Variants in ANKRD29 observed in about 807,000 individuals in gnomAD.
ANKRD29 encodes ankyrin repeat domain-containing protein 29.
Under a neutral mutation model 38.0 loss-of-function variants are expected in ANKRD29, and 32 were observed. The observed-to-expected ratio is 0.84, with a 90% CI of 0.64 to 1.13. The LOEUF (loss-of-function observed/expected upper bound fraction) is 1.13, where lower values mean the gene tolerates loss of function less well. Ranked by LOEUF, ANKRD29 falls within the 50% of genes most tolerant of loss-of-function variation. ANKRD29 has a pLI of 0.00. For synonymous variants in ANKRD29, 135 were observed against 152.4 expected (o/e 0.89, Z 0.84); for missense variants, 357 against 377.9 (o/e 0.94, Z 0.46).
At chr18:23,654,137 G>A (rs970659367) in intron 1 of ANKRD29, among the ~76,000 whole-genome samples, 7 of 151,792 alleles carry the variant, frequency 4.6e-5, no homozygotes, top group Admixed American at 6.6e-5. Flanking sequence ...ACGGTGGCAC[G>A]CACCTGTAGT....
chr18:23,613,601 A>ATT (rs1179381510), intron 8 of ANKRD29, among the ~76,000 whole-genome samples: 9 of 141,116 alleles, frequency 6.4e-5, no homozygotes, highest in South Asian at 2.3e-4. Flanking sequence ...TTACTTTACA[A>ATT]TTTTTTTTTT....
At chr18:23,610,110 T>A (rs1459260194) in intron 9 of ANKRD29, among the ~76,000 whole-genome samples, 1 of 152,228 alleles carries the variant, frequency 6.6e-6, no homozygotes, top group Non-Finnish European at 1.5e-5. Flanking sequence ...CAGAGTATGT[T>A]AAGTATAAAG....
At chr18:23,603,801 G>A (rs1013457662) in intron 9 of ANKRD29, among the ~76,000 whole-genome samples, 4 of 151,932 alleles carry the variant, frequency 2.6e-5, no homozygotes, top group Non-Finnish European at 5.9e-5. Context: ...GGACTGTGGA[G>A]GCTAATGCAA....
intron 6 of ANKRD29, among the ~76,000 whole-genome samples, chr18:23,622,056 A>G (rs2059803399): frequency 6.6e-6 from 1 of 152,148 alleles, no homozygotes; most frequent in African/African-American, 2.4e-5. Context: ...GTGCCATCAT[A>G]AAGTATGGAC....
intron 5 of ANKRD29, among the ~76,000 whole-genome samples, chr18:23,633,153 G>T (rs1374452271): frequency 1.4e-4 from 21 of 152,100 alleles, no homozygotes; most frequent in Admixed American, 1.2e-3. Flanking sequence ...AAATCCTATG[G>T]CATTATAGCG....
intron 1 of ANKRD29, among the ~76,000 whole-genome samples, chr18:23,661,830 T>G (rs1235293746): frequency 6.6e-6 from 1 of 152,174 alleles, no homozygotes; most frequent in Admixed American, 6.5e-5. Context: ...AACCCTCTTC[T>G]CCAAACCTAG....
chr18:23,602,126 T>C (rs1366377588), intron 9 of ANKRD29, among the ~76,000 whole-genome samples: 1 of 151,806 alleles, frequency 6.6e-6, no homozygotes, highest in Non-Finnish European at 1.5e-5. Flanking sequence ...AATCTCTGCC[T>C]CCTGGGTTCA....
intron 1 of ANKRD29, among the ~76,000 whole-genome samples, chr18:23,656,494 T>A (rs181542747): frequency 6.6e-6 from 1 of 152,276 alleles, no homozygotes; most frequent in Admixed American, 6.5e-5. Context: ...TTAATAAATA[T>A]TCAATTAAAT....
In ANKRD29 at chr18:23,626,663, A is replaced by G. The variant is rs548733711; in HGVS notation, c.528+3190T>C. On this transcript the variant is annotated intron_variant, in intron 6 of 9. Coordinates refer to ENST00000592179, the MANE Select transcript of ANKRD29 (RefSeq NM_173505.4). Reference sequence around the variant, plus strand: ...AACATAGTCTTCCTACTGTCTGGCTATGACTAGATTTGGGATTATGATTCC... The same window carrying G: ...AACATAGTCTTCCTACTGTCTGGCTGTGACTAGATTTGGGATTATGATTCC... Among the ~76,000 whole-genome samples, 3 of 152,352 alleles carry G rather than the reference A, an allele frequency of 2.0e-5. No homozygotes were observed. The East Asian group carries it at 5.8e-4, about 29-fold the overall frequency.
chr18:23,626,331 C>A (rs555396913), intron 6 of ANKRD29, among the ~76,000 whole-genome samples: 1 of 152,334 alleles, frequency 6.6e-6, no homozygotes, highest in East Asian at 1.9e-4. Flanking sequence ...AGTTAACTGA[C>A]TAACCTCAGC....
chr18:23,619,776 C>T (rs1006406648), intron 6 of ANKRD29, 147 bp from the exon 7 acceptor site: 2 of 612,752 alleles, frequency 3.3e-6, no homozygotes, highest in Non-Finnish European at 5.4e-6. Context: ...TGATCCACAC[C>T]GCCCAGGAGG....
chr18:23,613,255 C>G (rs897650469), intron 8 of ANKRD29, among the ~76,000 whole-genome samples: 1 of 150,878 alleles, frequency 6.6e-6, no homozygotes, highest in Non-Finnish European at 1.5e-5. Flanking sequence ...TCACTGCAAC[C>G]TCTGCCTCCA....
At chr18:23,629,809 C>G in intron 6 of ANKRD29, 44 bp downstream of exon 6, 3 of 1,555,272 alleles carry the variant, frequency 1.9e-6, no homozygotes, top group Non-Finnish European at 1.8e-6. Flanking sequence ...CCCTCCCTGC[C>G]CCATGCGCCA....
At chr18:23,622,363 C>T (rs935733490) in intron 6 of ANKRD29, among the ~76,000 whole-genome samples, 1 of 152,022 alleles carries the variant, frequency 6.6e-6, no homozygotes, top group African/African-American at 2.4e-5. Flanking sequence ...AATACTAATG[C>T]GCTTCTCCCT....
intron 3 of ANKRD29, among the ~76,000 whole-genome samples, chr18:23,645,500 G>A (rs2060127246): frequency 6.6e-6 from 1 of 152,150 alleles, no homozygotes; most frequent in Non-Finnish European, 1.5e-5. Context: ...ACTTGAACCT[G>A]GGAGGTGGAG....
In ANKRD29 at chr18:23,662,815, C is replaced by A; in HGVS notation, c.-85G>T. The stretch of plus-strand genomic sequence containing the variant: ...CGGCCCTTCACTCTCCCGGGGCTCT[C>A]GGCGTTCCGCAGAGGGGCGGCCTCC... On this transcript the variant is annotated 5_prime_UTR_variant, in exon 1 of 10. Coordinates refer to ENST00000592179, the MANE Select transcript of ANKRD29 (RefSeq NM_173505.4). 1 of 1,215,650 alleles carries A rather than the reference C, an allele frequency of 8.2e-7. No homozygotes were observed. 75.3% of individuals were successfully genotyped at this position (1,215,650 alleles called of 1,614,324 possible).
intron 5 of ANKRD29, 54 bp downstream of exon 5, chr18:23,633,997 T>G (rs1431391043): frequency 6.4e-7 from 1 of 1,563,900 alleles, no homozygotes; most frequent in Non-Finnish European, 8.8e-7. Flanking sequence ...GAATTTAGAC[T>G]GCAATTTTGT....
intron 3 of ANKRD29, among the ~76,000 whole-genome samples, chr18:23,641,263 C>T (rs756725139): frequency 2.8e-4 from 43 of 152,292 alleles, no homozygotes; most frequent in African/African-American, 9.4e-4. Context: ...GTTGGCTGTG[C>T]GGGAGCAGCC....
chr18:23,612,352 G>A (rs2059654363), intron 8 of ANKRD29, among the ~76,000 whole-genome samples, 162 bp from the exon 9 acceptor site: 2 of 152,160 alleles, frequency 1.3e-5, no homozygotes, highest in Admixed American at 1.3e-4. Flanking sequence ...CCCTAGTATA[G>A]TGTCCTTGGA....
Sources: allele counts gnomAD v4.1 joint callset (sites outside exome capture counted in the v4.1 genomes callset), GRCh38; gene constraint gnomAD v4.1.1; transcripts MANE v1.5; gene names NCBI Gene and HGNC (gene_info 2026-07-23, HGNC 2026-07-21).